Variants in CCDC148 observed in about 807,000 individuals in gnomAD.
CCDC148 encodes the protein coiled-coil domain containing 148, also known as coiled-coil domain-containing protein 148.
In CCDC148, 89 loss-of-function variants were observed where a neutral mutation model predicts 85.7. The ratio of observed to expected loss-of-function variants is 1.04; its 90% CI spans 0.87 to 1.24. The LOEUF is 1.24. CCDC148 is among the 50% of genes most tolerant of loss of function. The pLI is 0.00. For synonymous variants in CCDC148, 230 were observed against 213.9 expected (o/e 1.08, Z -0.66); for missense variants, 692 against 671.7 (o/e 1.03, Z -0.33).
intron 10 of CCDC148, among the ~76,000 whole-genome samples, chr2:158,226,757 C>T (rs889980869): frequency 6.6e-5 from 10 of 152,032 alleles, no homozygotes; most frequent in African/African-American, 2.4e-4. Context: ...ATTCAACAGC[C>T]CTTCATGCTA....
chr2:158,381,967 A>G (rs1684890707), intron 1 of CCDC148, among the ~76,000 whole-genome samples: 1 of 152,182 alleles, frequency 6.6e-6, no homozygotes. Flanking sequence ...ACGTGTCTGT[A>G]TTAAGAGTTG....
At chr2:158,438,140 G>T (rs973829580) in intron 1 of CCDC148, among the ~76,000 whole-genome samples, 2 of 151,972 alleles carry the variant, frequency 1.3e-5, no homozygotes, top group Non-Finnish European at 2.9e-5. Flanking sequence ...AGTTCATGTG[G>T]AACCAAAAAA....
At chr2:158,429,649 G>C (rs1382787902) in intron 1 of CCDC148, among the ~76,000 whole-genome samples, 1 of 152,192 alleles carries the variant, frequency 6.6e-6, no homozygotes, top group Non-Finnish European at 1.5e-5. Context: ...GATTAAGGTA[G>C]TAATAATAAA....
chr2:158,172,163 G>T lies in CCDC148; in HGVS notation c.1726C>A (p.Pro576Thr), dbSNP rs760340825. The T allele has an allele frequency of 1.9e-6, 3 of 1,609,728 alleles. No homozygotes were observed. Among genetic ancestry groups the T allele is most frequent in the Non-Finnish European group, 2.5e-6 (3 of 1,177,430 alleles). ...YAKEILPKIS[P>T]QKPPRKDMES... ...ATGTCCTTTCTTGGAGGTTTTTGAG[G>T]ACTAATTTTTGGTAATATCTCTTTA... Residue 576 changes from proline to threonine, a missense_variant, in exon 14 of 14, where the codon CCT becomes ACT. By Grantham distance (38) the Pro-to-Thr change is conservative. Coordinates refer to ENST00000283233, the MANE Select transcript of CCDC148 (RefSeq NM_138803.4).
intron 11 of CCDC148, among the ~76,000 whole-genome samples, chr2:158,194,370 G>A (rs1001316254): frequency 7.2e-5 from 11 of 152,110 alleles, no homozygotes; most frequent in African/African-American, 1.4e-4. Flanking sequence ...TTTCACAGGC[G>A]TCAGCATTTG....
At chr2:158,300,737 G>A (rs1170122895) in intron 9 of CCDC148, among the ~76,000 whole-genome samples, 1 of 152,170 alleles carries the variant, frequency 6.6e-6, no homozygotes, top group Non-Finnish European at 1.5e-5. Flanking sequence ...GTCAAGAAAG[G>A]AGGCTAGAAA....
intron 9 of CCDC148, among the ~76,000 whole-genome samples, chr2:158,306,916 A>G (rs1256431579): frequency 2.0e-5 from 3 of 151,536 alleles, no homozygotes; most frequent in African/African-American, 7.3e-5. Context: ...CTACTCAGGA[A>G]GCTGAGGCAG....
chr2:158,215,650 A>G (rs1686810884), intron 11 of CCDC148, among the ~76,000 whole-genome samples: 1 of 151,934 alleles, frequency 6.6e-6, no homozygotes, highest in African/African-American at 2.4e-5. Flanking sequence ...ACCTTTTTCT[A>G]ACTAGCACAA....
chr2:158,326,927 C>T (rs779229646), intron 7 of CCDC148, among the ~76,000 whole-genome samples: 5 of 152,022 alleles, frequency 3.3e-5, no homozygotes, highest in Non-Finnish European at 7.4e-5. Flanking sequence ...CTGTGCATTG[C>T]TTTGATTACT....
intron 7 of CCDC148, among the ~76,000 whole-genome samples, chr2:158,329,896 A>C (rs185737424): frequency 1.1e-3 from 170 of 152,340 alleles, no homozygotes; most frequent in African/African-American, 3.9e-3. Context: ...CTATTAGCTA[A>C]GGAGATTTTG....
chr2:158,446,622 C>A (rs1688167774), intron 1 of CCDC148, among the ~76,000 whole-genome samples: 1 of 151,908 alleles, frequency 6.6e-6, no homozygotes, highest in Non-Finnish European at 1.5e-5. Flanking sequence ...TTTATAATAG[C>A]TTTATTGGGG....
At position 158,454,544 on chromosome 2, in the gene CCDC148, T is replaced by C. The variant is rs575885593; in HGVS notation, c.25+1871A>G. 3.9e-5 allele frequency among the ~76,000 whole-genome samples: 6 copies of C among 152,346 alleles called. No individual in the cohort carries two copies. The South Asian group carries it at 1.2e-3, about 32-fold the overall frequency. ...AGTTGAGGAACCTCATGGTGGATCC[T>C]TCAGTAGAGTACGAGGCAAGATCAT... On this transcript the variant is annotated intron_variant, in intron 1 of 13. Transcript: ENST00000283233.
chr2:158,373,042 T>G (rs1574712954), intron 1 of CCDC148, among the ~76,000 whole-genome samples: 1 of 152,010 alleles, frequency 6.6e-6, no homozygotes, highest in African/African-American at 2.4e-5. Flanking sequence ...AATCAACTGA[T>G]GTTATATAAA....
chr2:158,201,558 C>T (rs371396125), intron 11 of CCDC148, among the ~76,000 whole-genome samples: 16 of 152,100 alleles, frequency 1.1e-4, no homozygotes, highest in African/African-American at 2.7e-4. Flanking sequence ...TACAGCTATA[C>T]GCCACCAACT....
chr2:158,387,097 C>T (rs1685116955), intron 1 of CCDC148, among the ~76,000 whole-genome samples: 1 of 152,040 alleles, frequency 6.6e-6, no homozygotes. Context: ...ACATAATTTT[C>T]CAGCCTCTTC....
intron 1 of CCDC148, among the ~76,000 whole-genome samples, chr2:158,429,360 A>AATAGATAGATAGATAGATAGATAG (rs10664791): frequency 6.7e-6 from 1 of 149,618 alleles, no homozygotes; most frequent in Non-Finnish European, 1.5e-5. Context: ...AAAGAGCATG[A>AATAGATAGATAGATAGATAGATAG]ATAGATAGAT....
At chr2:158,300,761 C>T (rs961478747) in intron 9 of CCDC148, among the ~76,000 whole-genome samples, 7 of 152,094 alleles carry the variant, frequency 4.6e-5, no homozygotes, top group African/African-American at 1.7e-4. Flanking sequence ...AGCCGGGGTC[C>T]AAATTACTGA....
chr2:158,253,110 C>T (rs1271579134), intron 9 of CCDC148, among the ~76,000 whole-genome samples: 3 of 151,598 alleles, frequency 2.0e-5, no homozygotes, highest in South Asian at 4.1e-4. Context: ...ATTTCTTAAG[C>T]GCGGATGAAT....
chr2:158,323,751 G>A (rs1692626804), intron 7 of CCDC148, among the ~76,000 whole-genome samples: 1 of 152,008 alleles, frequency 6.6e-6, no homozygotes, highest in Admixed American at 6.6e-5. Context: ...GGTAAACTGA[G>A]GGTTAAAATC....
Sources: gnomAD v4.1 joint callset for allele counts (sites outside exome capture counted in the v4.1 genomes callset) on GRCh38, gnomAD v4.1.1 for gene constraint, MANE v1.5 for transcripts, NCBI Gene and HGNC (gene_info 2026-07-23, HGNC 2026-07-21) for gene names.